CCSER1: variants seen among roughly 807,000 people sequenced by gnomAD.
The protein encoded by CCSER1 is serine-rich coiled-coil domain-containing protein 1.
In CCSER1, 41 loss-of-function variants were observed where a neutral mutation model predicts 82.0. That is an observed-to-expected ratio of 0.50 (90% CI 0.39 to 0.65). The LOEUF is 0.65. CCSER1 is among the 30% of genes least tolerant of loss of function. The pLI is 0.00. For synonymous variants in CCSER1, 414 were observed against 383.9 expected (o/e 1.08, Z -0.92); for missense variants, 1,119 against 1,064.2 (o/e 1.05, Z -0.72).
intron 10 of CCSER1, among the ~76,000 whole-genome samples, chr4:91,566,672 G>A (rs758913606): frequency 6.6e-6 from 1 of 152,112 alleles, no homozygotes; most frequent in Non-Finnish European, 1.5e-5. Context: ...TAGTTTGTGT[G>A]TGTAGAGGTG....
intron 5 of CCSER1, among the ~76,000 whole-genome samples, chr4:90,569,535 T>C (rs10030479): frequency 0.042 from 6,424 of 152,286 alleles, 344 homozygotes; most frequent in African/African-American, 0.12. Context: ...TGAAGGAACC[T>C]TGGGCACCAC....
chr4:90,909,818 T>A (rs1726056950), intron 8 of CCSER1, among the ~76,000 whole-genome samples: 1 of 152,206 alleles, frequency 6.6e-6, no homozygotes, highest in Non-Finnish European at 1.5e-5. Flanking sequence ...AGTGAAACTT[T>A]GCCAGTGTTT....
chr4:90,485,844 C>T (rs1026140438), intron 5 of CCSER1, among the ~76,000 whole-genome samples: 10 of 152,030 alleles, frequency 6.6e-5, no homozygotes, highest in Non-Finnish European at 1.5e-4. Flanking sequence ...TAATTATCTC[C>T]AGCTCCATGC....
At chr4:91,199,976 C>CT (rs968155660) in intron 10 of CCSER1, among the ~76,000 whole-genome samples, 3 of 151,770 alleles carry the variant, frequency 2.0e-5, no homozygotes, top group Non-Finnish European at 2.9e-5. Flanking sequence ...AGAGAATTGT[C>CT]TTTTTTTAGT....
chr4:91,405,323 G>T (rs1170075944), intron 10 of CCSER1, among the ~76,000 whole-genome samples: 1 of 151,772 alleles, frequency 6.6e-6, no homozygotes, highest in Non-Finnish European at 1.5e-5. Context: ...ATGGATTAAA[G>T]ACTTAAATGT....
chr4:91,119,268 G>A (rs1726886888), intron 10 of CCSER1, among the ~76,000 whole-genome samples: 1 of 152,128 alleles, frequency 6.6e-6, no homozygotes, highest in Non-Finnish European at 1.5e-5. Context: ...TCTTCTTTTA[G>A]CCTCTCTTCT....
chr4:91,465,734 A>G, intron 10 of CCSER1, among the ~76,000 whole-genome samples: 1 of 152,190 alleles, frequency 6.6e-6, no homozygotes, highest in East Asian at 1.9e-4. Flanking sequence ...CCTCTATACA[A>G]ATAAACTAGA....
intron 10 of CCSER1, among the ~76,000 whole-genome samples, chr4:91,507,491 C>T (rs750086905): frequency 5.3e-5 from 8 of 151,910 alleles, no homozygotes; most frequent in Non-Finnish European, 1.2e-4. Flanking sequence ...TGCAGTGACG[C>T]GATCTCGGCT....
intron 8 of CCSER1, among the ~76,000 whole-genome samples, chr4:90,910,726 G>C (rs1274161588): frequency 1.3e-5 from 2 of 152,116 alleles, no homozygotes; most frequent in East Asian, 3.8e-4. Flanking sequence ...ATTTCTGTTT[G>C]TGTTTAGAGT....
chr4:91,227,906 A>T (rs933040144), intron 10 of CCSER1, among the ~76,000 whole-genome samples: 1 of 152,044 alleles, frequency 6.6e-6, no homozygotes, highest in African/African-American at 2.4e-5. Flanking sequence ...GGCTGTTTGT[A>T]AGTGAAGAAA....
At chr4:90,227,111 T>C (rs1743312687) in intron 1 of CCSER1, among the ~76,000 whole-genome samples, 1 of 152,224 alleles carries the variant, frequency 6.6e-6, no homozygotes, top group Non-Finnish European at 1.5e-5. Flanking sequence ...CCCCTTTACC[T>C]TTCCTGGTGT....
chr4:90,962,797 A>C (rs1246579066), intron 9 of CCSER1, among the ~76,000 whole-genome samples: 1 of 152,058 alleles, frequency 6.6e-6, no homozygotes, highest in East Asian at 1.9e-4. Flanking sequence ...TTTTTTCTAC[A>C]CTGTAGCCAG....
chr4:90,653,719 A>G (rs1012000600), intron 6 of CCSER1, among the ~76,000 whole-genome samples: 1 of 152,086 alleles, frequency 6.6e-6, no homozygotes, highest in Non-Finnish European at 1.5e-5. Flanking sequence ...TTATTGAGTG[A>G]TATGCTTTTA....
At chr4:90,408,075 C>G (rs923132199) in intron 4 of CCSER1, among the ~76,000 whole-genome samples, 1 of 152,186 alleles carries the variant, frequency 6.6e-6, no homozygotes, top group Non-Finnish European at 1.5e-5. Context: ...AAGGCAGCAG[C>G]AAGGCTGGGG....
At chr4:91,291,912 G>A (rs1743777405) in intron 10 of CCSER1, among the ~76,000 whole-genome samples, 1 of 151,958 alleles carries the variant, frequency 6.6e-6, no homozygotes, top group African/African-American at 2.4e-5. Flanking sequence ...AAGATTAATT[G>A]GTTTACCCAA....
Position 91,173,349 on chromosome 4 carries a change from C to T in CCSER1, c.2217+87355C>T, listed in dbSNP as rs1405041792. Among the ~76,000 whole-genome samples the T allele has an allele frequency of 2.6e-5, 4 of 152,136 alleles. No homozygotes were observed. In the East Asian group the frequency reaches 7.7e-4, roughly 29 times the overall value. ...GTGGTTCACACCGGTAATCCCAGCA[C>T]TTTGGGAGACCCAGGTGTGCGGATC... On this transcript the variant is annotated intron_variant, in intron 10 of 10. Transcript: ENST00000509176.
At chr4:91,279,587 T>A (rs565643370) in intron 10 of CCSER1, among the ~76,000 whole-genome samples, 3 of 152,244 alleles carry the variant, frequency 2.0e-5, no homozygotes, top group East Asian at 3.9e-4. Context: ...TAACAGTTTC[T>A]ATTTGGTTCT....
chr4:90,393,928 C>T (rs1751584678), intron 3 of CCSER1, among the ~76,000 whole-genome samples: 1 of 150,902 alleles, frequency 6.6e-6, no homozygotes, highest in Admixed American at 6.6e-5. Context: ...TAGGCATGCA[C>T]CACCATACTT....
chr4:90,356,700 A>G (rs1279765252), intron 3 of CCSER1, among the ~76,000 whole-genome samples: 2 of 151,856 alleles, frequency 1.3e-5, no homozygotes, highest in Non-Finnish European at 3.0e-5. Context: ...ATATTATTAA[A>G]TCGTTTATGT....
Sources: allele counts gnomAD v4.1 joint callset (sites outside exome capture counted in the v4.1 genomes callset), GRCh38; gene constraint gnomAD v4.1.1; transcripts MANE v1.5; gene names NCBI Gene and HGNC (gene_info 2026-07-23, HGNC 2026-07-21).